Variants in POMGNT1 observed in about 807,000 individuals in gnomAD.
The protein encoded by POMGNT1 is protein O-linked-mannose beta-1,2-N-acetylglucosaminyltransferase 1.
In POMGNT1, 67 loss-of-function variants were observed where a neutral mutation model predicts 95.6. That is an observed-to-expected ratio of 0.70 (90% CI 0.58 to 0.86). POMGNT1 has a LOEUF of 0.86. POMGNT1 is among the 40% of genes least tolerant of loss of function. POMGNT1 has a pLI of 0.00. For missense variants in POMGNT1, 719 were observed against 855.2 expected (o/e 0.84, Z 1.99); for synonymous variants, 298 against 317.9 (o/e 0.94, Z 0.66).
At chr1:46,197,170 G>A (rs1658314577) in intron 2 of POMGNT1, 86 bp from the exon 3 acceptor site, 3 of 1,608,538 alleles carry the variant, frequency 1.9e-6, no homozygotes, top group African/African-American at 2.7e-5. Flanking sequence ...TGGCTGCAGT[G>A]AAGACATCCA....
At chr1:46,197,409 T>A (rs1232618494) in intron 2 of POMGNT1, 1 of 1,490,572 alleles carries the variant, frequency 6.7e-7, no homozygotes, top group East Asian at 2.7e-5. Flanking sequence ...AAGCGGGGGA[T>A]CAGACCTGGG....
intron 2 of POMGNT1, 111 bp downstream of exon 2, chr1:46,197,586 GAACCT>G: frequency 6.4e-7 from 1 of 1,574,152 alleles, no homozygotes; most frequent in Non-Finnish European, 8.7e-7. Flanking sequence ...TCCCCTCTAG[GAACCT>G]GCTGCCCCTT....
chr1:46,198,518 GGGCGGC>G (rs562692247), upstream of POMGNT1: 9 of 147,528 alleles, frequency 6.1e-5, no homozygotes, highest in South Asian at 1.9e-4. Context: ...GCGGTGCTTA[GGGCGGC>G]GGCGGCGGCG....
At chr1:46,193,830 G>C in intron 10 of POMGNT1, 25 bp downstream of exon 10, 10 of 1,613,496 alleles carry the variant, frequency 6.2e-6, no homozygotes, top group Non-Finnish European at 8.5e-6. Flanking sequence ...GTTCAGTGCT[G>C]GGTATAGCCC....
At position 46,197,048 on chromosome 1, in the gene POMGNT1, C is replaced by T. The variant is rs766383336; in HGVS notation, c.157G>A (p.Val53Ile). 7 of 1,614,010 alleles carry T rather than the reference C, an allele frequency of 4.3e-6. No individual in the cohort carries two copies. The highest frequency in any genetic ancestry group is 5.9e-6 in the Non-Finnish European group (7 of 1,180,020). Reference sequence around the variant, plus strand: ...GTGTCCAGGATCAACTTGATATTGACAATGACAGTCACCAGCAGGAAAAGC... The same window carrying T: ...GTGTCCAGGATCAACTTGATATTGATAATGACAGTCACCAGCAGGAAAAGC... ...AVLFLLVTVI[V>I]NIKLILDTRR... Residue 53 changes from valine (V) to isoleucine (I), a missense_variant, in exon 3 of 22, where the codon GTC (valine) becomes ATC (isoleucine). This residue lies in a region of POMGNT1 where 466 missense variants were observed against 517.4 expected (regional missense o/e 0.90). Transcript: ENST00000371984.
rs1227978235 is a variant in POMGNT1 at position 46,189,579 on chromosome 1, G to T, written c.1786-12C>A. 2 of 1,605,904 alleles carry T rather than the reference G, an allele frequency of 1.2e-6. No homozygotes were observed. The highest frequency in any genetic ancestry group is 2.7e-5 in the African/African-American group (2 of 74,826). On this transcript the variant is annotated splice_polypyrimidine_tract_variant and intron_variant, in intron 20 of 21. Coordinates refer to ENST00000371984, the MANE Select transcript of POMGNT1 (RefSeq NM_017739.4). Reference sequence around the variant, plus strand: ...CAGATATGGAGGCACTAGTGAGGGTGGGATGGAGACAGAGACATGGGTCAG... The same window carrying T: ...CAGATATGGAGGCACTAGTGAGGGTTGGATGGAGACAGAGACATGGGTCAG...
intron 1 of POMGNT1, among the ~76,000 whole-genome samples, chr1:46,211,623 T>A (rs1245134792): frequency 6.6e-6 from 1 of 152,174 alleles, no homozygotes; most frequent in East Asian, 1.9e-4. Context: ...ATGACAAACC[T>A]TTAGATAGTA....
chr1:46,189,337 A>T lies in POMGNT1; in HGVS notation c.1916T>A (p.Val639Asp). ...SPYSVKKPPS[V>D]TPIFLEPPPK... ...GGGTGGCTCCAGGAAAATTGGGGTG[A>T]CTGAGGGTGGCTTCTTCACTCTGGG... Residue 639 changes from valine (V) to aspartate (D), a missense_variant, in exon 22 of 22, where the codon GTC becomes GAC. By Grantham distance (152) the Val-to-Asp change is radical (BLOSUM62 -3). Around this residue, in one of 5 missense-constraint regions of POMGNT1, gnomAD observed 130 missense variants for 149.2 expected, o/e 0.87. Transcript: ENST00000371984. 1 of 1,613,846 alleles carries T rather than the reference A, an allele frequency of 6.2e-7. No individual in the cohort carries two copies. Among genetic ancestry groups the T allele is most frequent in the African/African-American group, 1.3e-5 (1 of 75,004 alleles).
At chr1:46,208,552 C>G (rs1397611988) in intron 1 of POMGNT1, among the ~76,000 whole-genome samples, 12 of 152,156 alleles carry the variant, frequency 7.9e-5, no homozygotes, top group Admixed American at 6.6e-4. Flanking sequence ...GTTCAAGATA[C>G]CAGATTGAGG....
chr1:46,204,823 C>CT (rs1340263048), intron 1 of POMGNT1, among the ~76,000 whole-genome samples: 4 of 152,210 alleles, frequency 2.6e-5, no homozygotes, highest in Non-Finnish European at 5.9e-5. Flanking sequence ...AGCTCAAGGC[C>CT]TAGTAAGAGC....
At chr1:46,219,306 A>G (rs1659159266) in intron 1 of POMGNT1, among the ~76,000 whole-genome samples, 1 of 152,146 alleles carries the variant, frequency 6.6e-6, no homozygotes, top group Non-Finnish European at 1.5e-5. Context: ...AAAAAAAAAA[A>G]AAAAGAAGTA....
chr1:46,197,432 C>A (rs1658335994), intron 2 of POMGNT1: 2 of 1,493,066 alleles, frequency 1.3e-6, no homozygotes, highest in Non-Finnish European at 1.8e-6. Context: ...CTGGCCCTAA[C>A]TGCCTCACAG....
intron 6 of POMGNT1, 88 bp downstream of exon 6, chr1:46,195,723 C>T: frequency 1.7e-6 from 2 of 1,183,780 alleles, no homozygotes; most frequent in Non-Finnish European, 2.5e-6. Context: ...AATCTTCCCA[C>T]TATGTTATAT....
rs775392834 is a variant in POMGNT1, at chr1:46,197,706, C to G, written c.116G>C (p.Cys39Ser). The G allele has an allele frequency of 1.2e-6, 2 of 1,614,116 alleles. No homozygotes were observed. The highest frequency in any genetic ancestry group is 1.7e-6 in the Non-Finnish European group (2 of 1,179,996). ...LTNQRALRRF[C>S]QTGAVLFLLV... ...GGGTTTGGGACATCTCTATACCTGA[C>G]AGAATCTCCGCAGGGCCCGCTGGTT... is the stretch of plus-strand genomic sequence containing the variant. The change falls in exon 2 of 22, where the codon TGT (cysteine) becomes TCT (serine). Residue 39 changes from cysteine to serine, a missense_variant. Physicochemically the swap from Cys to Ser is moderately radical, Grantham distance 112. This residue lies in a region of POMGNT1 where 466 missense variants were observed against 517.4 expected (regional missense o/e 0.90). Transcript: ENST00000371984.
Position 46,192,527 on chromosome 1 carries a change from C to T in POMGNT1, c.1275G>A (p.Trp425Ter). The change falls in exon 15 of 22, where the codon TGG (tryptophan) becomes TGA (stop). Residue 425 changes from tryptophan (W) to a stop codon, truncating the protein, a stop_gained. Transcript: ENST00000371984. LOFTEE classifies it high-confidence loss of function. Reference sequence around the variant, plus strand: ...GGTCATTCCAGCCTACCTGGTCATTCCAGGCAGAGATGCAGTACAGGCTGT... The same window carrying T: ...GGTCATTCCAGCCTACCTGGTCATTTCAGGCAGAGATGCAGTACAGGCTGT... ...EDDSLYCISA[W>*]NDQGYEHTAE... is the part of the protein sequence containing the mutation. 6.2e-7 allele frequency: 1 copy of T among 1,614,174 alleles called. No individual in the cohort carries two copies. Among genetic ancestry groups the T allele is most frequent in the East Asian group, 2.2e-5 (1 of 44,888 alleles).
At chr1:46,197,189 G>A in intron 2 of POMGNT1, 105 bp from the exon 3 acceptor site, 1 of 1,602,896 alleles carries the variant, frequency 6.2e-7, no homozygotes, top group Non-Finnish European at 8.5e-7. Flanking sequence ...CAGAGAAACT[G>A]GGTCCTGTCC....
chr1:46,219,997 G>T, exon 1 of POMGNT1: 1 of 1,614,230 alleles, frequency 6.2e-7, no homozygotes, highest in Non-Finnish European at 8.5e-7. Flanking sequence ...GGGGCTCCAC[G>T]TTCCGAGATG....
At chr1:46,219,590 C>T (rs1225872871) in intron 1 of POMGNT1, 95 of 1,210,550 alleles carry the variant, frequency 7.8e-5, no homozygotes, top group Non-Finnish European at 1.0e-4. Flanking sequence ...TAATTCCATC[C>T]GTCTTAAAGT....
intron 1 of POMGNT1, among the ~76,000 whole-genome samples, chr1:46,211,204 AT>A: frequency 6.6e-6 from 1 of 152,078 alleles, no homozygotes; most frequent in Non-Finnish European, 1.5e-5. Flanking sequence ...TTAGATTCTT[AT>A]TGGCCTCTCT....
Sources: gnomAD v4.1 joint callset for allele counts (sites outside exome capture counted in the v4.1 genomes callset) on GRCh38, gnomAD v4.1.1 for gene constraint, gnomAD v4.1.1 regional missense constraint, MANE v1.5 for transcripts, NCBI Gene and HGNC (gene_info 2026-07-23, HGNC 2026-07-21) for gene names.